The following PEX5L variants were observed in gnomAD, a reference collection of about 807,000 sequenced individuals.
PEX5L encodes the protein peroxisomal biogenesis factor 5 like.
PEX5L carries 30 observed loss-of-function variants against 84.0 expected under a neutral mutation model. That is an observed-to-expected ratio of 0.36 (90% CI 0.27 to 0.48). The LOEUF is 0.48. Ranked by LOEUF, PEX5L falls within the 20% of genes least tolerant of loss-of-function variation. PEX5L has a pLI of 0.99. For synonymous variants in PEX5L, 270 were observed against 283.1 expected, an observed-to-expected ratio of 0.95 and a Z score of 0.46; for missense variants, 533 against 754.6, an observed-to-expected ratio of 0.71 and a Z score of 3.44.
At chr3:179,969,861 G>A (rs560929094) in intron 2 of PEX5L, among the ~76,000 whole-genome samples, 2 of 152,192 alleles carry the variant, frequency 1.3e-5, no homozygotes, top group South Asian at 4.1e-4. Context: ...TAATAAAAGT[G>A]CTATTTTCTG....
At chr3:179,833,822 C>T (rs1332773984) in intron 8 of PEX5L, among the ~76,000 whole-genome samples, 1 of 152,070 alleles carries the variant, frequency 6.6e-6, no homozygotes, top group South Asian at 2.1e-4. Context: ...CACACACACA[C>T]GGTTTTTCAT....
chr3:179,909,650 A>G (rs1039717216), intron 2 of PEX5L, among the ~76,000 whole-genome samples: 2 of 152,214 alleles, frequency 1.3e-5, no homozygotes, highest in Non-Finnish European at 2.9e-5. Flanking sequence ...TATCTCATAG[A>G]TACTAAGCCC....
intron 12 of PEX5L, among the ~76,000 whole-genome samples, chr3:179,808,900 C>T (rs1368677985): frequency 2.0e-5 from 3 of 151,508 alleles, no homozygotes; most frequent in East Asian, 1.9e-4. Flanking sequence ...AGGTGAAACC[C>T]CGTCTCTACT....
intron 1 of PEX5L, among the ~76,000 whole-genome samples, chr3:180,003,805 G>T (rs1788631209): frequency 6.6e-6 from 1 of 152,084 alleles, no homozygotes; most frequent in African/African-American, 2.4e-5. Flanking sequence ...GGCTACTAAG[G>T]TGATATTAAA....
At chr3:179,924,633 AT>A (rs1360883354) in intron 2 of PEX5L, among the ~76,000 whole-genome samples, 7 of 152,184 alleles carry the variant, frequency 4.6e-5, no homozygotes, top group Non-Finnish European at 8.8e-5. Context: ...TGCTGTTCTT[AT>A]TAAGCCCTGA....
chr3:179,828,663 ATGTGTG>A (rs111516926), intron 8 of PEX5L, among the ~76,000 whole-genome samples: 59 of 146,438 alleles, frequency 4.0e-4, no homozygotes, highest in Non-Finnish European at 7.4e-4. Flanking sequence ...AACTATGTGT[ATGTGTG>A]TGTGTGTGTG....
chr3:180,018,936 C>T (rs984619587), intron 1 of PEX5L, among the ~76,000 whole-genome samples: 1 of 152,130 alleles, frequency 6.6e-6, no homozygotes, highest in Non-Finnish European at 1.5e-5. Flanking sequence ...AGTTTTCGGG[C>T]CACTCTATTA....
intron 1 of PEX5L, among the ~76,000 whole-genome samples, chr3:180,034,146 A>G (rs1172301572): frequency 3.3e-5 from 5 of 152,222 alleles, no homozygotes; most frequent in Non-Finnish European, 7.4e-5. Flanking sequence ...CCCTACTTCA[A>G]ACTGCTAATT....
intron 8 of PEX5L, among the ~76,000 whole-genome samples, chr3:179,848,026 A>T (rs1412221966): frequency 6.6e-6 from 1 of 151,980 alleles, no homozygotes; most frequent in Non-Finnish European, 1.5e-5. Context: ...TGAATATAGA[A>T]CTAAAGACCA....
chr3:179,984,893 C>T (rs1786662646), intron 1 of PEX5L, among the ~76,000 whole-genome samples: 1 of 152,126 alleles, frequency 6.6e-6, no homozygotes. Context: ...TTTTTCTCCC[C>T]ATTTATACTG....
intron 1 of PEX5L, among the ~76,000 whole-genome samples, chr3:180,000,632 C>G (rs1402788804): frequency 6.6e-6 from 1 of 151,390 alleles, no homozygotes; most frequent in Non-Finnish European, 1.5e-5. Context: ...GACATATTTC[C>G]TCCTTCTTTT....
intron 7 of PEX5L, among the ~76,000 whole-genome samples, chr3:179,871,558 T>G (rs1003979708): frequency 4.6e-5 from 7 of 152,234 alleles, no homozygotes; most frequent in African/African-American, 1.7e-4. Flanking sequence ...GGCCTAAAGA[T>G]TTCTCTGTAC....
intron 2 of PEX5L, among the ~76,000 whole-genome samples, chr3:179,964,181 C>T (rs1191860863): frequency 6.6e-6 from 1 of 152,022 alleles, no homozygotes; most frequent in African/African-American, 2.4e-5. Flanking sequence ...CAGGCCCTGG[C>T]GTCTGTTGTT....
chr3:179,897,009 C>T (rs185132570), intron 3 of PEX5L, among the ~76,000 whole-genome samples: 161 of 152,078 alleles, frequency 1.1e-3, no homozygotes, highest in Non-Finnish European at 1.6e-3. Context: ...ATCCCAAAGT[C>T]TTGGGAATCT....
At chr3:179,997,527 A>G (rs1203923742) in intron 1 of PEX5L, among the ~76,000 whole-genome samples, 2 of 152,212 alleles carry the variant, frequency 1.3e-5, no homozygotes, top group Non-Finnish European at 2.9e-5. Flanking sequence ...CTAGAAAAAT[A>G]GCAAATCAAA....
At chr3:179,966,937 A>C (rs1534022) in intron 2 of PEX5L, among the ~76,000 whole-genome samples, 67,708 of 152,010 alleles carry the variant, frequency 0.45, 16,300 homozygotes, top group East Asian at 0.89. Flanking sequence ...GTGAGAGGAA[A>C]GGCAAGCGGT....
chr3:179,817,141 A>C (rs2108892578), intron 9 of PEX5L, among the ~76,000 whole-genome samples: 1 of 152,336 alleles, frequency 6.6e-6, no homozygotes. Flanking sequence ...CTTCACCCTG[A>C]ACCAGTTTTT....
chr3:179,963,621 T>TTATA (rs1782611128), intron 2 of PEX5L, among the ~76,000 whole-genome samples: 1 of 152,196 alleles, frequency 6.6e-6, no homozygotes, highest in Non-Finnish European at 1.5e-5. Flanking sequence ...TTTTGTCTGA[T>TTATA]TATATACTGT....
chr3:179,998,001 T>C (rs1357532449), intron 1 of PEX5L, among the ~76,000 whole-genome samples: 1 of 152,222 alleles, frequency 6.6e-6, no homozygotes, highest in South Asian at 2.1e-4. Flanking sequence ...ATTACATTGA[T>C]GACATTATGC....
Sources: allele counts gnomAD v4.1 joint callset (sites outside exome capture counted in the v4.1 genomes callset), GRCh38; gene constraint gnomAD v4.1.1; transcripts MANE v1.5; gene names NCBI Gene and HGNC (gene_info 2026-07-23, HGNC 2026-07-21).